The following FAM83G variants were observed in gnomAD, a reference collection of about 807,000 sequenced individuals.
The protein encoded by FAM83G is scaffolding CK1 anchoring protein G.
FAM83G carries 38 observed loss-of-function variants against 61.5 expected under a neutral mutation model. That is an observed-to-expected ratio of 0.62 (90% CI 0.48 to 0.81). The LOEUF (loss-of-function observed/expected upper bound fraction) is 0.81, where lower values mean the gene tolerates loss of function less well. Ranked by LOEUF, FAM83G falls within the 30% of genes least tolerant of loss-of-function variation. The pLI is 0.00. For synonymous variants in FAM83G, 470 were observed against 476.1 expected (o/e 0.99, Z 0.17); for missense variants, 989 against 1,133.6 (o/e 0.87, Z 1.83).
chr17:18,988,437 G>A, intron 2 of FAM83G, 23 bp from the exon 3 acceptor site: 1 of 1,612,376 alleles, frequency 6.2e-7, no homozygotes, highest in Non-Finnish European at 8.5e-7. Context: ...AGAGAGACTA[G>A]GGCCTGTCAG....
At chr17:18,988,914 C>T (rs1357569353) in intron 2 of FAM83G, among the ~76,000 whole-genome samples, 1 of 152,240 alleles carries the variant, frequency 6.6e-6, no homozygotes, top group African/African-American at 2.4e-5. Flanking sequence ...GGCCTTCCCC[C>T]AGCCCAGCCA....
At chr17:18,973,310 G>A (rs1484335111) in intron 5 of FAM83G, among the ~76,000 whole-genome samples, 2 of 152,226 alleles carry the variant, frequency 1.3e-5, no homozygotes, top group Non-Finnish European at 2.9e-5. Context: ...TCCTGGCCTT[G>A]GGGTCAGGGT....
In FAM83G at chr17:18,996,183, T is replaced by C. The variant is rs1020167929; in HGVS notation, c.522+7337A>G. ...GAATTTTATACCCAGTAAAAATACA[T>C]TTCAAAACAAAAGGCAAACTAAAGA... On this transcript the variant is annotated intron_variant, in intron 2 of 5. Coordinates refer to ENST00000388995, the MANE Select transcript of FAM83G (RefSeq NM_001039999.3). This position sits in a 1 kb window ranked among gnomAD's most constrained non-coding sequence, Gnocchi z 4.4. 9.9e-5 allele frequency among the ~76,000 whole-genome samples: 15 copies of C among 150,916 alleles called. No homozygotes were observed. The South Asian group carries it at 1.5e-3, about 15-fold the overall frequency.
intron 3 of FAM83G, among the ~76,000 whole-genome samples, chr17:18,984,110 A>G (rs1001405432): frequency 6.6e-6 from 1 of 152,156 alleles, no homozygotes; most frequent in Non-Finnish European, 1.5e-5. Context: ...TGGGAGGCCG[A>G]GGCGGGCGGA....
In FAM83G at chr17:19,003,484, T is replaced by C; in HGVS notation, c.522+36A>G. 6.7e-7 allele frequency: 1 copy of C among 1,501,568 alleles called. No homozygotes were observed. The highest frequency in any genetic ancestry group is 8.9e-7 in the Non-Finnish European group (1 of 1,125,366). The allele number at this position is 1,501,568 out of a possible 1,614,324, so 93.0% of individuals were successfully genotyped here. ...TATTGAGAGGGGTCCGGTGGCTGGT[T>C]GGGCCATGGCTCCAGGAGTCCCCGC... On this transcript the variant is annotated intron_variant, in intron 2 of 5. Transcript: ENST00000388995. The surrounding 1 kb of genome is among the most constrained non-coding windows in gnomAD (Gnocchi z 4.5).
rs1176935676 is a variant in FAM83G, at chr17:18,984,332, C to CAAA, written c.690+3912_690+3914dup. On this transcript the variant is annotated intron_variant, in intron 3 of 5. Transcript: ENST00000388995. ...TGGGCGACAGAGCAAGACTCCCTCT[C>CAAA]AAAAAAAAAAAAAAAAAAAAAAGAG... 9.8e-3 allele frequency among the ~76,000 whole-genome samples: 663 copies of CAAA among 67,910 alleles called. 20 individuals carry two copies. The highest frequency in any genetic ancestry group is 0.028 in the South Asian group (56 of 2,026). The allele number at this position is 67,910 out of a possible 152,430, so 44.6% of individuals were successfully genotyped here.
chr17:18,986,673 TC>T (rs1567796951), intron 3 of FAM83G, among the ~76,000 whole-genome samples: 1 of 152,236 alleles, frequency 6.6e-6, no homozygotes, highest in Non-Finnish European at 1.5e-5. Flanking sequence ...AGGCGAGGCC[TC>T]TGGAGTGGCT....
chr17:19,005,032 CCCCT>C (rs2043844156), upstream of FAM83G, among the ~76,000 whole-genome samples: 2 of 152,228 alleles, frequency 1.3e-5, no homozygotes, highest in Non-Finnish European at 2.9e-5. Flanking sequence ...CCTTGGCACC[CCCCT>C]GTGCCCCCAG....
Position 18,978,216 on chromosome 17 carries a change from G to C in FAM83G, c.1450C>G (p.Gln484Glu), listed in dbSNP as rs778916141. 1.3e-6 allele frequency: 2 copies of C among 1,576,142 alleles called. No individual in the cohort carries two copies. The highest frequency in any genetic ancestry group is 1.7e-6 in the Non-Finnish European group (2 of 1,161,432). ...PCPPPEPSAP[Q>E]DGVPAENGLP... is the part of the protein sequence containing the mutation. ...CCGTTCTCAGCTGGGACACCGTCCTGGGGGGCACTGGGCTCTGGGGGAGGG... is the reference window on the plus strand; with the variant it reads ...CCGTTCTCAGCTGGGACACCGTCCTCGGGGGCACTGGGCTCTGGGGGAGGG... Residue 484 changes from glutamine (Q) to glutamate (E), a missense_variant, in exon 5 of 6, where the codon CAG becomes GAG. By Grantham distance (29) the Gln-to-Glu change is conservative (BLOSUM62 2). Transcript: ENST00000388995.
At position 18,986,938 on chromosome 17, in the gene FAM83G, C is replaced by T. The variant is rs140310256; in HGVS notation, c.690+1309G>A. Among the ~76,000 whole-genome samples, 607 of 152,296 alleles carry T rather than the reference C, an allele frequency of 4.0e-3. 11 individuals are homozygous for T. The highest frequency in any genetic ancestry group is 8.1e-3 in the East Asian group (42 of 5,186). On this transcript the variant is annotated intron_variant, in intron 3 of 5. Coordinates refer to ENST00000388995, the MANE Select transcript of FAM83G (RefSeq NM_001039999.3). ...GAATCGATTCCCAGCACTAATTACGCGGCGGGGAGTGAGGTGGGTGTGGGG... is the reference window on the plus strand; with the variant it reads ...GAATCGATTCCCAGCACTAATTACGTGGCGGGGAGTGAGGTGGGTGTGGGG...
At chr17:19,001,988 G>A (rs1170786324) in intron 2 of FAM83G, among the ~76,000 whole-genome samples, 3 of 152,178 alleles carry the variant, frequency 2.0e-5, no homozygotes, top group Admixed American at 6.5e-5. Context: ...GCTCTCTGTG[G>A]GGACTGGGTT....
rs768473258 is a variant in FAM83G at position 18,978,699 on chromosome 17, G to A, written c.967C>T (p.Pro323Ser). 1 of 1,612,988 alleles carries A rather than the reference G, an allele frequency of 6.2e-7. No individual in the cohort carries two copies. The highest frequency in any genetic ancestry group is 1.1e-5 in the South Asian group (1 of 91,090). Residue 323 changes from proline (P) to serine (S), a missense_variant, in exon 5 of 6, where the codon CCG (proline) becomes TCG (serine). Transcript: ENST00000388995. Reference protein sequence around the residue: ...KGIPMEKEPEPEPIVLPSVVP... With the variant: ...KGIPMEKEPESEPIVLPSVVP... The stretch of plus-strand genomic sequence containing the variant: ...ACAGAGGGCAGCACAATAGGCTCCG[G>A]CTCCGGTTCCTTCTCCATAGGGATG...
chr17:18,978,420 C>A lies in FAM83G; in HGVS notation c.1246G>T (p.Glu416Ter). The A allele has an allele frequency of 6.3e-7, 1 of 1,594,014 alleles. No homozygotes were observed. Among genetic ancestry groups the A allele is most frequent in the East Asian group, 2.3e-5 (1 of 44,044 alleles). ...TCGCTGCCAGGCTCCGGGTCTGGCT[C>A]CACCCACGTGGGCAGGTACTCAAAC... is the stretch of plus-strand genomic sequence containing the variant. Reference protein sequence around the residue: ...NMFEYLPTWVEPDPEPGSDIL... With the variant: ...NMFEYLPTWV The change falls in exon 5 of 6, where the codon GAG becomes TAG. Residue 416 changes from glutamate to a stop codon, truncating the protein, a stop_gained. Transcript: ENST00000388995. LOFTEE classifies it high-confidence loss of function.
intron 5 of FAM83G, chr17:18,977,045 C>T (rs1257015449): frequency 5.6e-6 from 9 of 1,596,990 alleles, no homozygotes; most frequent in Non-Finnish European, 7.7e-6. Context: ...GGTTCTGGGA[C>T]CTTGTCCTGC....
At position 19,003,605 on chromosome 17, in the gene FAM83G, C is replaced by T. The variant is rs774593748; in HGVS notation, c.437G>A (p.Arg146Gln). Residue 146 changes from arginine (R) to glutamine (Q), a missense_variant, in exon 2 of 6, where the codon CGG becomes CAG. By Grantham distance (43) the Arg-to-Gln change is conservative (BLOSUM62 1). Coordinates refer to ENST00000388995, the MANE Select transcript of FAM83G (RefSeq NM_001039999.3). The surrounding 1 kb of genome is among the most constrained non-coding windows in gnomAD (Gnocchi z 4.5). Reference sequence around the variant, plus strand: ...GGGGGGCTGCATGTAGACGCTAGCCCGGGTCACGCCGCGGTAGGCGATGGT... The same window carrying T: ...GGGGGGCTGCATGTAGACGCTAGCCTGGGTCACGCCGCGGTAGGCGATGGT... ...PDTIAYRGVTRASVYMQPPID... is the reference protein window; with the variant it reads ...PDTIAYRGVTQASVYMQPPID... 2 of 1,611,166 alleles carry T rather than the reference C, an allele frequency of 1.2e-6. No homozygotes were observed. The highest frequency in any genetic ancestry group is 1.7e-6 in the Non-Finnish European group (2 of 1,178,896).
intron 5 of FAM83G, among the ~76,000 whole-genome samples, chr17:18,972,109 T>G (rs554392999): frequency 1.2e-4 from 18 of 152,316 alleles, no homozygotes; most frequent in Non-Finnish European, 2.4e-4. Flanking sequence ...GGCCCTGCCC[T>G]CAAGACCCTG....
In FAM83G at chr17:18,978,341, C is replaced by G. The variant is rs1386165506; in HGVS notation, c.1325G>C (p.Ser442Thr). The G allele has an allele frequency of 6.2e-7, 1 of 1,603,734 alleles. No homozygotes were observed. The highest frequency in any genetic ancestry group is 1.1e-5 in the South Asian group (1 of 89,854). Residue 442 changes from serine (S) to threonine (T), a missense_variant, in exon 5 of 6, where the codon AGC becomes ACC. Physicochemically the swap from Ser to Thr is moderately conservative, Grantham distance 58. This residue lies in a region of FAM83G where 574 missense variants were observed against 645.1 expected (regional missense o/e 0.89). Transcript: ENST00000388995. ...IDPNIWNPQP[S>T]QMNRIKIRDT... The stretch of plus-strand genomic sequence containing the variant: ...ACGGATCTTGATGCGGTTCATCTGG[C>G]TGGGCTGGGGGTTCCAGATGTTGGG...
rs377320056 is a variant in FAM83G at position 18,983,301 on chromosome 17, G to A, written c.691-3628C>T. 3.1e-4 allele frequency among the ~76,000 whole-genome samples: 47 copies of A among 152,342 alleles called. 1 individual carries two copies. Among genetic ancestry groups the A allele is most frequent in the African/African-American group, 1.0e-3 (43 of 41,580 alleles). On this transcript the variant is annotated intron_variant, in intron 3 of 5. Transcript: ENST00000388995. ...TGAGGCATCACTATGGCCATGGGGCGCTCGAGGCCCAGAGAGGTGGAACCA... is the reference window on the plus strand; with the variant it reads ...TGAGGCATCACTATGGCCATGGGGCACTCGAGGCCCAGAGAGGTGGAACCA...
Position 19,004,026 on chromosome 17 carries a change from C to G in FAM83G, c.16G>C (p.Val6Leu). Residue 6 changes from valine to leucine, a missense_variant, in exon 2 of 6, where the codon GTG becomes CTG. This residue lies in a region of FAM83G where 371 missense variants were observed against 404.5 expected (regional missense o/e 0.92). Transcript: ENST00000388995. This position sits in a 1 kb window ranked among gnomAD's most constrained non-coding sequence, Gnocchi z 5.4. MAFSQ[V>L]QCLDDNHVNW... is the part of the protein sequence containing the mutation. ...ACATGGTTGTCGTCCAGACACTGCACCTGAGAGAAGGCCATGGCGCCGCCT... is the reference window on the plus strand; with the variant it reads ...ACATGGTTGTCGTCCAGACACTGCAGCTGAGAGAAGGCCATGGCGCCGCCT... 6.3e-7 allele frequency: 1 copy of G among 1,598,078 alleles called. No individual in the cohort carries two copies. Among genetic ancestry groups the G allele is most frequent in the Non-Finnish European group, 8.5e-7 (1 of 1,170,402 alleles).
Sources: allele counts gnomAD v4.1 joint callset (sites outside exome capture counted in the v4.1 genomes callset), GRCh38; gene constraint gnomAD v4.1.1; regional missense constraint gnomAD v4.1.1; non-coding constraint Gnocchi (gnomAD v3.1); transcripts MANE v1.5; gene names NCBI Gene and HGNC (gene_info 2026-07-23, HGNC 2026-07-21).